The following BMP10 variants were observed in gnomAD, a reference collection of about 807,000 sequenced individuals.
BMP10 encodes the protein bone morphogenetic protein 10.
A neutral mutation model predicts 29.9 loss-of-function variants in BMP10; 9 were observed. The observed-to-expected ratio is 0.30, with a 90% CI of 0.18 to 0.53. The LOEUF is 0.53. BMP10 is among the 20% of genes least tolerant of loss of function. The pLI is 0.96. For missense variants in BMP10, 474 were observed against 524.3 expected, an observed-to-expected ratio of 0.90 and a Z score of 0.94; for synonymous variants, 202 against 200.2, an observed-to-expected ratio of 1.01 and a Z score of -0.07.
chr2:68,866,236 T>G lies in BMP10; in HGVS notation c.670A>C (p.Ile224Leu). Residue 224 changes from isoleucine (I) to leucine (L), a missense_variant, in exon 2 of 2, where the codon ATT becomes CTT. Ile to Leu is a conservative substitution (Grantham distance 5). Around this residue, in one of 2 missense-constraint regions of BMP10, gnomAD observed 408 missense variants for 415.3 expected, o/e 0.98. Transcript: ENST00000295379. Reference sequence around the variant, plus strand: ...TCAGCTTCATCGTGTTTGCTCTCAATGTGGACCTCCAGCTGGTGGGTGGAT... The same window carrying G: ...TCAGCTTCATCGTGTTTGCTCTCAAGGTGGACCTCCAGCTGGTGGGTGGAT... The part of the protein sequence containing the change: ...GSSTHQLEVH[I>L]ESKHDEAEDA... The G allele has an allele frequency of 6.2e-7, 1 of 1,614,092 alleles. No individual in the cohort carries two copies. Among genetic ancestry groups the G allele is most frequent in the Non-Finnish European group, 8.5e-7 (1 of 1,179,974 alleles).
chr2:68,868,441 T>C (rs1215939326), intron 1 of BMP10, among the ~76,000 whole-genome samples: 2 of 152,214 alleles, frequency 1.3e-5, no homozygotes, highest in African/African-American at 2.4e-5. Flanking sequence ...CAGCCATCTT[T>C]TTATGAATGG....
chr2:68,861,448 A>G lies in BMP10; in HGVS notation c.*4183T>C, dbSNP rs1318160337. Among the ~76,000 whole-genome samples the G allele has an allele frequency of 4.6e-5, 7 of 152,224 alleles. No individual in the cohort carries two copies. Among genetic ancestry groups the G allele is most frequent in the Admixed American group, 4.6e-4 (7 of 15,276 alleles). ...AAACACCCCTGTGTACTTCTCTTCC[A>G]TAGTCACATCTACCTTCCATTTAAT... On this transcript the variant is annotated 3_prime_UTR_variant, in exon 2 of 2. Transcript: ENST00000295379.
intron 1 of BMP10, among the ~76,000 whole-genome samples, chr2:68,867,168 T>C (rs1466411286): frequency 6.6e-6 from 1 of 152,218 alleles, no homozygotes; most frequent in African/African-American, 2.4e-5. Flanking sequence ...CACAGCCTCA[T>C]CCATTGTTTT....
chr2:68,870,941 T>A, intron 1 of BMP10, 84 bp downstream of exon 1: 1 of 1,208,248 alleles, frequency 8.3e-7, no homozygotes, highest in Non-Finnish European at 1.2e-6. Flanking sequence ...TATTTACCCT[T>A]ACCTATATCA....
chr2:68,866,603 G>T, intron 1 of BMP10, 32 bp from the exon 2 acceptor site: 1 of 1,557,730 alleles, frequency 6.4e-7, no homozygotes, highest in Non-Finnish European at 8.7e-7. Context: ...AATCAGGTTT[G>T]CAGTGGGTCT....
In BMP10 at chr2:68,862,218, C is replaced by A. The variant is rs1185771454; in HGVS notation, c.*3413G>T. Reference sequence around the variant, plus strand: ...TACTATTTACAAATCAGAAAATATACTACAAAGCATGCTTGTAGGCACAGC... The same window carrying A: ...TACTATTTACAAATCAGAAAATATAATACAAAGCATGCTTGTAGGCACAGC... On this transcript the variant is annotated 3_prime_UTR_variant, in exon 2 of 2. Transcript: ENST00000295379. Among the ~76,000 whole-genome samples the A allele has an allele frequency of 6.6e-6, 1 of 152,140 alleles. No individual in the cohort carries two copies. The highest frequency in any genetic ancestry group is 1.5e-5 in the Non-Finnish European group (1 of 68,032).
rs2103804049 is a variant in BMP10, at chr2:68,865,047, T to A, written c.*584A>T. Among the ~76,000 whole-genome samples, 1 of 152,322 alleles carries A rather than the reference T, an allele frequency of 6.6e-6. No individual in the cohort carries two copies. The highest frequency in any genetic ancestry group is 1.9e-4 in the East Asian group (1 of 5,192). Reference sequence around the variant, plus strand: ...CTCTTAAGTCCATTTGGTTTCTGTATCAATTAACCCTTCCCTTCAAGCATC... The same window carrying A: ...CTCTTAAGTCCATTTGGTTTCTGTAACAATTAACCCTTCCCTTCAAGCATC... On this transcript the variant is annotated 3_prime_UTR_variant, in exon 2 of 2. Coordinates refer to ENST00000295379, the MANE Select transcript of BMP10 (RefSeq NM_014482.3). The surrounding 1 kb of genome is among the most constrained non-coding windows in gnomAD (Gnocchi z 4.7).
chr2:68,865,436 C>T lies in BMP10; in HGVS notation c.*195G>A, dbSNP rs957368948. 2.8e-5 allele frequency: 17 copies of T among 603,902 alleles called. No individual in the cohort carries two copies. In the African/African-American group the frequency reaches 2.9e-4, roughly 10 times the overall value. 37.4% of individuals were successfully genotyped at this position (603,902 alleles called of 1,614,324 possible). On this transcript the variant is annotated 3_prime_UTR_variant, in exon 2 of 2. Transcript: ENST00000295379. The surrounding 1 kb of genome is among the most constrained non-coding windows in gnomAD (Gnocchi z 4.7). ...GGGAGGTGGCATTGCCAGGAAATGG[C>T]AAGTCCAAAGAGAAAACAGATTGAA...
At chr2:68,870,366 G>A (rs1683044501) in intron 1 of BMP10, among the ~76,000 whole-genome samples, 1 of 152,118 alleles carries the variant, frequency 6.6e-6, no homozygotes, top group Non-Finnish European at 1.5e-5. Context: ...ATAATTCAAA[G>A]CTTGTACGTT....
chr2:68,863,100 G>A lies in BMP10; in HGVS notation c.*2531C>T, dbSNP rs564296090. On this transcript the variant is annotated 3_prime_UTR_variant, in exon 2 of 2. Transcript: ENST00000295379. Reference sequence around the variant, plus strand: ...CTAGTATCAGGGTGCTAATGTCAGCGGTGTGCTAATGTCAGTGGGATACTA... The same window carrying A: ...CTAGTATCAGGGTGCTAATGTCAGCAGTGTGCTAATGTCAGTGGGATACTA... Among the ~76,000 whole-genome samples the A allele has an allele frequency of 6.6e-6, 1 of 152,170 alleles. No individual in the cohort carries two copies. Among genetic ancestry groups the A allele is most frequent in the African/African-American group, 2.4e-5 (1 of 41,444 alleles).
In BMP10 at chr2:68,865,820, C is replaced by T. The variant is rs1271589998; in HGVS notation, c.1086G>A (p.Glu362=). 4.3e-6 allele frequency: 7 copies of T among 1,613,950 alleles called. No homozygotes were observed. The highest frequency in any genetic ancestry group is 2.2e-5 in the East Asian group (1 of 44,878). Residue 362 remains glutamate (E), a synonymous_variant, in exon 2 of 2, where the codon GAG becomes GAA. Coordinates refer to ENST00000295379, the MANE Select transcript of BMP10 (RefSeq NM_014482.3). The surrounding 1 kb of genome is among the most constrained non-coding windows in gnomAD (Gnocchi z 4.7). ...TTGCATGCTTTGTGGGTGTGAGATGCTCTGCCAGGGGGTAGTTACAAACAC... is the reference window on the plus strand; with the variant it reads ...TTGCATGCTTTGTGGGTGTGAGATGTTCTGCCAGGGGGTAGTTACAAACAC... The part of the protein sequence containing the change: ...CRGVCNYPLA[E]HLTPTKHAII...
In BMP10 at chr2:68,865,874, C is replaced by A; in HGVS notation, c.1032G>T (p.Pro344=). The A allele has an allele frequency of 5.0e-6, 8 of 1,614,032 alleles. No homozygotes were observed. Among genetic ancestry groups the A allele is most frequent in the Non-Finnish European group, 6.8e-6 (8 of 1,179,968 alleles). ...GGCATTCATAGGCTTCGTATCCAGG[C>A]GGAGCGATGATCCAGGAGTCCCACC... ...EIGWDSWIIA[P]PGYEAYECRG... The change falls in exon 2 of 2, where the codon CCG becomes CCT. Residue 344 remains proline, a synonymous_variant. Coordinates refer to ENST00000295379, the MANE Select transcript of BMP10 (RefSeq NM_014482.3). This position sits in a 1 kb window ranked among gnomAD's most constrained non-coding sequence, Gnocchi z 4.7.
In BMP10 at chr2:68,861,299, G is replaced by GC. The variant is rs752508043; in HGVS notation, c.*4331dup. On this transcript the variant is annotated 3_prime_UTR_variant, in exon 2 of 2. Coordinates refer to ENST00000295379, the MANE Select transcript of BMP10 (RefSeq NM_014482.3). ...GTAGGCGGGCGCTGGCACATTGGCC[G>GC]CCCCACCACTATCAAGCCAGGTGCT... is the stretch of plus-strand genomic sequence containing the variant. 6.6e-6 allele frequency among the ~76,000 whole-genome samples: 1 copy of GC among 152,150 alleles called. No individual in the cohort carries two copies. Among genetic ancestry groups the GC allele is most frequent in the Non-Finnish European group, 1.5e-5 (1 of 68,038 alleles).
rs1363704110 is a variant in BMP10 at position 68,871,162 on chromosome 2, A to C, written c.197T>G (p.Leu66Arg). The C allele has an allele frequency of 6.2e-7, 1 of 1,614,020 alleles. No individual in the cohort carries two copies. Among genetic ancestry groups the C allele is most frequent in the Non-Finnish European group, 8.5e-7 (1 of 1,180,022 alleles). The change falls in exon 1 of 2, where the codon CTA (leucine) becomes CGA (arginine). Residue 66 changes from leucine to arginine, a missense_variant. Physicochemically the swap from Leu to Arg is moderately radical, Grantham distance 102 (BLOSUM62 -2). Coordinates refer to ENST00000295379, the MANE Select transcript of BMP10 (RefSeq NM_014482.3). ...CTGCGTGGGGATGTCAGAGAGGTTT[A>C]GTGTCTTAAGAAACTCATCCTTCAT... The part of the protein sequence containing the change: ...QSMKDEFLKT[L>R]NLSDIPTQDS...
Position 68,871,325 on chromosome 2 carries a change from A to T in BMP10, c.34T>A (p.Phe12Ile), listed in dbSNP as rs537280954. Reference protein sequence around the residue: ...GSLVLTLCALFCLAAYLVSGS... With the variant: ...GSLVLTLCALICLAAYLVSGS... ...GAAACCAAGTAAGCTGCCAGGCAGA[A>T]AAGAGCGCACAGTGTCAGGACCAGA... The change falls in exon 1 of 2, where the codon TTC (phenylalanine) becomes ATC (isoleucine). Residue 12 changes from phenylalanine to isoleucine, a missense_variant. Around this residue, in one of 2 missense-constraint regions of BMP10, gnomAD observed 408 missense variants for 415.3 expected, o/e 0.98. Coordinates refer to ENST00000295379, the MANE Select transcript of BMP10 (RefSeq NM_014482.3). 1 of 1,614,016 alleles carries T rather than the reference A, an allele frequency of 6.2e-7. No homozygotes were observed. The highest frequency in any genetic ancestry group is 8.5e-7 in the Non-Finnish European group (1 of 1,180,000).
rs1393953457 is a variant in BMP10, at chr2:68,866,169, T to C, written c.737A>G (p.Gln246Arg). 1.9e-6 allele frequency: 3 copies of C among 1,613,964 alleles called. No homozygotes were observed. In the African/African-American group the frequency reaches 4.0e-5, roughly 22 times the overall value. Residue 246 changes from glutamine to arginine, a missense_variant, in exon 2 of 2, where the codon CAG becomes CGG. Around this residue, in one of 2 missense-constraint regions of BMP10, gnomAD observed 408 missense variants for 415.3 expected, o/e 0.98. Transcript: ENST00000295379. ...GATGAGCAAAGGGTTATGCTTATTC[T>C]GGGCACTGGTATCTATTTCTAGCCG... ...SGRLEIDTSAQNKHNPLLIVF... is the reference protein window; with the variant it reads ...SGRLEIDTSARNKHNPLLIVF...
chr2:68,869,199 A>T (rs1484509563), intron 1 of BMP10, among the ~76,000 whole-genome samples: 1 of 143,934 alleles, frequency 6.9e-6, no homozygotes, highest in Non-Finnish European at 1.5e-5. Flanking sequence ...CTTGATGCAG[A>T]TAACTGATTT....
Position 68,868,422 on chromosome 2 carries a change from C to T in BMP10, c.335-1851G>A, listed in dbSNP as rs555183600. Among the ~76,000 whole-genome samples, 49 of 152,218 alleles carry T rather than the reference C, an allele frequency of 3.2e-4. 1 individual carries two copies. In the South Asian group the frequency reaches 0.01, roughly 32 times the overall value. The stretch of plus-strand genomic sequence containing the variant: ...TCCTTTGATCCTTGTCATTTACGTC[C>T]TTATATTTCAGCCATCTTTTTATGA... On this transcript the variant is annotated intron_variant, in intron 1 of 1. Coordinates refer to ENST00000295379, the MANE Select transcript of BMP10 (RefSeq NM_014482.3).
At position 68,863,743 on chromosome 2, in the gene BMP10, A is replaced by G. The variant is rs1470474459; in HGVS notation, c.*1888T>C. Among the ~76,000 whole-genome samples, 2 of 152,180 alleles carry G rather than the reference A, an allele frequency of 1.3e-5. No individual in the cohort carries two copies. Among genetic ancestry groups the G allele is most frequent in the Admixed American group, 6.5e-5 (1 of 15,286 alleles). On this transcript the variant is annotated 3_prime_UTR_variant, in exon 2 of 2. Coordinates refer to ENST00000295379, the MANE Select transcript of BMP10 (RefSeq NM_014482.3). Reference sequence around the variant, plus strand: ...AGGTTCAAATTGGGCCTTCTTCAAAATAGTTTTCCTTGCCTCTATTGTCTA... The same window carrying G: ...AGGTTCAAATTGGGCCTTCTTCAAAGTAGTTTTCCTTGCCTCTATTGTCTA...
Sources: allele counts gnomAD v4.1 joint callset (sites outside exome capture counted in the v4.1 genomes callset), GRCh38; gene constraint gnomAD v4.1.1; regional missense constraint gnomAD v4.1.1; non-coding constraint Gnocchi (gnomAD v3.1); transcripts MANE v1.5; gene names NCBI Gene and HGNC (gene_info 2026-07-23, HGNC 2026-07-21).